LIPJ: variants seen among roughly 807,000 people sequenced by gnomAD.
LIPJ encodes the protein lipase member J.
In LIPJ, 33 loss-of-function variants were observed where a neutral mutation model predicts 39.8. The ratio of observed to expected loss-of-function variants is 0.83; its 90% CI spans 0.63 to 1.11. LIPJ has a LOEUF of 1.11. LIPJ is among the 50% of genes least tolerant of loss of function. The probability of loss-of-function intolerance (pLI) is 0.00; values close to 1 mark genes in which losing one functional copy is unlikely to be tolerated. For synonymous variants in LIPJ, 128 were observed against 139.2 expected (o/e 0.92, Z 0.57); for missense variants, 422 against 427.9 (o/e 0.99, Z 0.12).
chr10:88,593,369 A>G (rs1358333739), intron 4 of LIPJ: 1 of 151,862 alleles, frequency 6.6e-6, no homozygotes, highest in East Asian at 1.9e-4. Flanking sequence ...CCTGTATTCT[A>G]CTTATTGGGG....
chr10:88,592,401 T>G (rs1055112618), intron 4 of LIPJ: 1 of 151,748 alleles, frequency 6.6e-6, no homozygotes, highest in Admixed American at 6.6e-5. Flanking sequence ...TGCCTTAGAG[T>G]GCTCTAAAGG....
chr10:88,606,937 T>G, exon 11 of LIPJ: 2 of 1,427,660 alleles, frequency 1.4e-6, no homozygotes, highest in Non-Finnish European at 1.8e-6. Context: ...TTTAAAGATC[T>G]ACATCATTCC....
At chr10:88,613,743 G>GATAT in the LIPJ span, among the ~76,000 whole-genome samples, 1 of 93,816 alleles carries the variant, frequency 1.1e-5, no homozygotes, top group Non-Finnish European at 2.2e-5. Flanking sequence ...AAGGCATCCT[G>GATAT]ATATATATAT....
chr10:88,610,522 C>T (rs1851735511), downstream of LIPJ, among the ~76,000 whole-genome samples: 2 of 152,132 alleles, frequency 1.3e-5, no homozygotes, highest in Non-Finnish European at 2.9e-5. Flanking sequence ...ATCCCCTGGG[C>T]TCTTTTTTTC....
chr10:88,583,701 A>C (rs1850799910), upstream of LIPJ: 2 of 985,904 alleles, frequency 2.0e-6, no homozygotes, highest in Admixed American at 6.1e-5. Flanking sequence ...CATAATAGAA[A>C]CATCTTTTGG....
At chr10:88,591,034 T>C (rs1050463732) in intron 3 of LIPJ, among the ~76,000 whole-genome samples, 1 of 151,880 alleles carries the variant, frequency 6.6e-6, no homozygotes. Context: ...TATGGATGCA[T>C]GTATATTTTT....
downstream of LIPJ, among the ~76,000 whole-genome samples, chr10:88,608,436 A>C (rs566164138): frequency 3.3e-5 from 5 of 152,298 alleles, no homozygotes; most frequent in East Asian, 9.7e-4. Context: ...TAATTCCTTA[A>C]AAAAATTGCA....
intron 8 of LIPJ, among the ~76,000 whole-genome samples, chr10:88,601,509 C>T (rs766871601): frequency 1.3e-5 from 2 of 152,068 alleles, no homozygotes; most frequent in East Asian, 1.9e-4. Flanking sequence ...CCACACAGAC[C>T]GATTTCTGTT....
chr10:88,611,271 T>C (rs1471029174), downstream of LIPJ, among the ~76,000 whole-genome samples: 3 of 152,202 alleles, frequency 2.0e-5, no homozygotes, highest in Non-Finnish European at 4.4e-5. Context: ...ACAGCTACCC[T>C]TGAATCCCAG....
intron 3 of LIPJ, among the ~76,000 whole-genome samples, 164 bp downstream of exon 3, chr10:88,590,860 A>G (rs1851054524): frequency 6.6e-6 from 1 of 151,778 alleles, no homozygotes; most frequent in South Asian, 2.1e-4. Context: ...GCCTTATTCT[A>G]TCTTTGTAAT....
chr10:88,603,575 G>C (rs1851566681), intron 9 of LIPJ, among the ~76,000 whole-genome samples: 1 of 152,090 alleles, frequency 6.6e-6, no homozygotes, highest in Non-Finnish European at 1.5e-5. Flanking sequence ...TCCTTTCTCT[G>C]GCCCTTAGTG....
chr10:88,586,058 T>C (rs894386189), upstream of LIPJ, among the ~76,000 whole-genome samples: 1 of 152,238 alleles, frequency 6.6e-6, no homozygotes, highest in African/African-American at 2.4e-5. Flanking sequence ...CTGTTCTCTG[T>C]GTATACAGCA....
chr10:88,602,286 G>A (rs1851512292), intron 8 of LIPJ, among the ~76,000 whole-genome samples: 1 of 151,976 alleles, frequency 6.6e-6, no homozygotes, highest in Admixed American at 6.6e-5. Context: ...TTCAAAAGGT[G>A]TATGTGTATG....
At chr10:88,589,991 G>A (rs986140261) in intron 2 of LIPJ, among the ~76,000 whole-genome samples, 5 of 151,636 alleles carry the variant, frequency 3.3e-5, no homozygotes, top group Non-Finnish European at 7.4e-5. Context: ...CATAAGATTA[G>A]TAAGTCATGC....
At chr10:88,605,464 C>A (rs1347209417) in intron 9 of LIPJ, among the ~76,000 whole-genome samples, 169 bp from the exon 10 acceptor site, 1 of 152,158 alleles carries the variant, frequency 6.6e-6, no homozygotes, top group East Asian at 1.9e-4. Context: ...CATCTCCAAC[C>A]CCTTCCATTT....
At chr10:88,620,205 G>A in the LIPJ span, among the ~76,000 whole-genome samples, 2,745 of 152,052 alleles carry the variant, frequency 0.018, 63 homozygotes, top group South Asian at 0.085. Flanking sequence ...AGCTATTACA[G>A]ACTGAAAAGT....
At chr10:88,620,010 C>T in the LIPJ span, among the ~76,000 whole-genome samples, 2 of 152,014 alleles carry the variant, frequency 1.3e-5, no homozygotes, top group Admixed American at 1.3e-4. Context: ...CATTAAAAGA[C>T]CCCCAAACCT....
chr10:88,583,440 T>G (rs1850782955), upstream of LIPJ: 4 of 1,338,156 alleles, frequency 3.0e-6, no homozygotes, highest in Non-Finnish European at 2.9e-6. Flanking sequence ...CTTCTCGCTT[T>G]GGGGGCCGGG....
At chr10:88,620,086 T>C in the LIPJ span, among the ~76,000 whole-genome samples, 10 of 152,208 alleles carry the variant, frequency 6.6e-5, no homozygotes, top group Admixed American at 6.5e-4. Flanking sequence ...CATAACCTCA[T>C]TTGAATTATG....
Sources: gnomAD v4.1 joint callset for allele counts (sites outside exome capture counted in the v4.1 genomes callset) on GRCh38, gnomAD v4.1.1 for gene constraint, MANE v1.5 for transcripts, NCBI Gene and HGNC (gene_info 2026-07-23, HGNC 2026-07-21) for gene names.